The following FGF13 variants were observed in gnomAD, a reference collection of about 807,000 sequenced individuals.
FGF13 encodes the protein fibroblast growth factor 13, also known as fibroblast growth factor homologous factor 2.
In FGF13, 2 loss-of-function variants were observed where a neutral mutation model predicts 19.5. The observed-to-expected ratio is 0.10, with a 90% confidence interval of 0.04 to 0.32. The LOEUF is 0.32. FGF13 is among the 10% of genes least tolerant of loss of function. FGF13 has a pLI of 1.00. For synonymous variants in FGF13, 72 were observed against 76.9 expected, an observed-to-expected ratio of 0.94 and a Z score of 0.33; for missense variants, 113 against 192.7, an observed-to-expected ratio of 0.59 and a Z score of 2.45.
At chrX:139,133,002 A>G (rs887395476) in intron 1 of FGF13, among the ~76,000 whole-genome samples, 3 of 111,235 alleles carry the variant, frequency 2.7e-5, no homozygotes, top group Non-Finnish European at 5.7e-5. Flanking sequence ...ATTGATGGAG[A>G]GTAAGTGGGA....
chrX:138,755,567 C>G (rs1355020048), intron 3 of FGF13, among the ~76,000 whole-genome samples: 4 of 112,612 alleles, frequency 3.6e-5, no homozygotes, highest in Non-Finnish European at 7.5e-5. Flanking sequence ...ATAACAAATA[C>G]ATGAAAATAT....
At chrX:138,647,482 A>G (rs7880244) in intron 3 of FGF13, among the ~76,000 whole-genome samples, 4,067 of 111,335 alleles carry the variant, frequency 0.037, 153 homozygotes, top group African/African-American at 0.12. Flanking sequence ...TTATGGCTCT[A>G]CAGAAACCAC....
intron 3 of FGF13, among the ~76,000 whole-genome samples, chrX:138,829,836 C>T (rs1026699373): frequency 1.8e-5 from 2 of 111,502 alleles, no homozygotes; most frequent in African/African-American, 6.5e-5. Context: ...CCTGCCTCAG[C>T]CTCCCAAGTA....
chrX:139,167,336 CAAGAG>C lies in FGF13; in HGVS notation c.-113+36075_-113+36079del, dbSNP rs753553796. Among the ~76,000 whole-genome samples, 7 of 111,428 alleles carry C rather than the reference CAAGAG, an allele frequency of 6.3e-5. 1 individual carries two copies. Among genetic ancestry groups the C allele is most frequent in the Non-Finnish European group, 1.3e-4 (7 of 53,082 alleles). ...GGGAAAATGACAGGTTTAATTTAAT[CAAGAG>C]AAGATATATTCTAATTACAGAGATA... On this transcript the variant is annotated intron_variant, in intron 1 of 2. Coordinates refer to the FGF13 transcript ENST00000421460.
intron 1 of FGF13, among the ~76,000 whole-genome samples, chrX:138,947,650 CTA>C (rs2091788527): frequency 9.0e-6 from 1 of 111,188 alleles, no homozygotes; most frequent in African/African-American, 3.3e-5. Flanking sequence ...AACGTCTCAG[CTA>C]TCAGAGCCCA....
rs1055944610 is a variant in FGF13, at chrX:138,891,452, T to C, written c.-112-26802A>G. On this transcript the variant is annotated intron_variant, in intron 1 of 2. Transcript: ENST00000421460. ...GAGGAAGCTCTGGTTTCTCTTCTTA[T>C]AAGAACACTAATCCCATCACTGGGG... 2.7e-5 allele frequency among the ~76,000 whole-genome samples: 3 copies of C among 111,138 alleles called. No individual in the cohort carries two copies. The Admixed American group carries it at 2.9e-4, about 11-fold the overall frequency.
intron 1 of FGF13, among the ~76,000 whole-genome samples, chrX:138,932,639 C>T (rs893571020): frequency 1.8e-5 from 2 of 109,296 alleles, no homozygotes; most frequent in African/African-American, 6.7e-5. Context: ...AAACCCCTTC[C>T]CAGAACTAAA....
chrX:139,036,391 C>A (rs1021172195), intron 1 of FGF13, among the ~76,000 whole-genome samples: 2 of 111,532 alleles, frequency 1.8e-5, no homozygotes, highest in African/African-American at 6.5e-5. Flanking sequence ...TTCTTATCAT[C>A]TACAGTGAAA....
At chrX:138,923,116 A>G (rs919511383) in intron 1 of FGF13, among the ~76,000 whole-genome samples, 2 of 112,222 alleles carry the variant, frequency 1.8e-5, no homozygotes, top group Non-Finnish European at 3.8e-5. Flanking sequence ...TCTATCTACT[A>G]TATTCACATT....
chrX:138,692,596 G>A (rs2089850217), intron 3 of FGF13, among the ~76,000 whole-genome samples: 1 of 111,316 alleles, frequency 9.0e-6, no homozygotes, highest in Non-Finnish European at 1.9e-5. Flanking sequence ...TGTAGGTTAT[G>A]TATTTAAAAC....
intron 2 of FGF13, among the ~76,000 whole-genome samples, chrX:138,862,667 A>T (rs780108240): frequency 4.5e-5 from 5 of 112,133 alleles, no homozygotes; most frequent in African/African-American, 1.6e-4. Flanking sequence ...ACTTATCTCT[A>T]TATAAGATTT....
At chrX:139,182,960 C>T (rs1016228225) in intron 1 of FGF13, among the ~76,000 whole-genome samples, 1 of 111,427 alleles carries the variant, frequency 9.0e-6, no homozygotes, top group Non-Finnish European at 1.9e-5. Context: ...GATTAAGAGG[C>T]TCACTCAAGG....
At chrX:139,204,387 G>A (rs1191776077), upstream of FGF13, 1 of 219,267 alleles carries the variant, frequency 4.6e-6, no homozygotes, top group African/African-American at 3.0e-5. Flanking sequence ...CGCTCAAGAA[G>A]TGAAGAGACA....
At chrX:138,889,474 C>T (rs2091466248) in intron 1 of FGF13, among the ~76,000 whole-genome samples, 1 of 111,715 alleles carries the variant, frequency 9.0e-6, no homozygotes, top group Non-Finnish European at 1.9e-5. Context: ...TTGGTGTCAC[C>T]ATGGCAAACC....
intron 3 of FGF13, among the ~76,000 whole-genome samples, chrX:138,700,703 G>T (rs1324226166): frequency 9.0e-6 from 1 of 111,641 alleles, no homozygotes; most frequent in Non-Finnish European, 1.9e-5. Flanking sequence ...TTCCATATAT[G>T]AACTCCAGGA....
intron 1 of FGF13, among the ~76,000 whole-genome samples, chrX:139,063,237 AGAG>A (rs2092341988): frequency 9.0e-6 from 1 of 111,548 alleles, no homozygotes. Flanking sequence ...TTGCTATTAT[AGAG>A]GAGGACTATG....
downstream of FGF13, among the ~76,000 whole-genome samples, chrX:138,856,195 G>T (rs1403328005): frequency 9.0e-6 from 1 of 111,032 alleles, no homozygotes; most frequent in Non-Finnish European, 1.9e-5. Flanking sequence ...TGTGGAAGTC[G>T]GTGGTCACAC....
intron 1 of FGF13, among the ~76,000 whole-genome samples, chrX:139,093,089 C>A (rs1378075347): frequency 5.3e-5 from 6 of 112,222 alleles, no homozygotes; most frequent in African/African-American, 1.9e-4. Context: ...ATCAGCCTTA[C>A]AGGGATGAGC....
At chrX:138,893,219 C>T (rs2091486307) in intron 1 of FGF13, among the ~76,000 whole-genome samples, 1 of 111,365 alleles carries the variant, frequency 9.0e-6, no homozygotes, top group Non-Finnish European at 1.9e-5. Flanking sequence ...CATCTATCTT[C>T]CCTTCACCCT....
Sources: allele counts gnomAD v4.1 joint callset (sites outside exome capture counted in the v4.1 genomes callset), GRCh38; gene constraint gnomAD v4.1.1; transcripts MANE v1.5; gene names NCBI Gene and HGNC (gene_info 2026-07-23, HGNC 2026-07-21).